Variants in PGBD2 observed in about 807,000 individuals in gnomAD.
PGBD2 encodes piggyBac transposable element-derived protein 2.
A neutral mutation model predicts 8.1 loss-of-function variants in PGBD2; 6 were observed. The ratio of observed to expected loss-of-function variants is 0.74; its 90% CI spans 0.40 to 1.46. The LOEUF (loss-of-function observed/expected upper bound fraction) is 1.46. Ranked by LOEUF, PGBD2 falls within the 40% of genes most tolerant of loss-of-function variation. The pLI, the probability that PGBD2 is intolerant of heterozygous loss-of-function variation, is 0.02. For missense variants in PGBD2, 802 were observed against 739.0 expected (o/e 1.09, Z -0.99); for synonymous variants, 318 against 272.2 (o/e 1.17, Z -1.66).
chr1:248,877,434 C>G, the PGBD2 span, among the ~76,000 whole-genome samples: 2 of 152,148 alleles, frequency 1.3e-5, no homozygotes, highest in Non-Finnish European at 2.9e-5. Context: ...GCGGCTGGGA[C>G]TACAAGCATG....
downstream of PGBD2, chr1:248,919,217 C>G (rs1456806707): frequency 1.2e-5 from 2 of 166,960 alleles, no homozygotes; most frequent in Non-Finnish European, 2.9e-5. Context: ...ATTAACTATT[C>G]CCACTCTCCC....
At chr1:248,921,418 G>C (rs1662284895), downstream of PGBD2, among the ~76,000 whole-genome samples, 1 of 152,120 alleles carries the variant, frequency 6.6e-6, no homozygotes, top group African/African-American at 2.4e-5. Flanking sequence ...GCTTGTTTTT[G>C]TCAGGTTTGT....
chr1:248,921,905 T>C (rs1468182152), downstream of PGBD2, among the ~76,000 whole-genome samples: 1 of 152,198 alleles, frequency 6.6e-6, no homozygotes, highest in East Asian at 1.9e-4. Context: ...CAATTGCGAA[T>C]GGGAGTTCAC....
chr1:248,916,629 C>G lies in PGBD2; in HGVS notation c.45C>G (p.His15Gln). 1.2e-6 allele frequency: 2 copies of G among 1,614,124 alleles called. No homozygotes were observed. Among genetic ancestry groups the G allele is most frequent in the Non-Finnish European group, 8.5e-7 (1 of 1,180,012 alleles). Residue 15 changes from histidine to glutamine, a missense_variant, in exon 3 of 3, where the codon CAC becomes CAG. By Grantham distance (24) the His-to-Gln change is conservative. Transcript: ENST00000329291. ...SRDVIAGRGIHSKVKSAKLLE... is the reference protein window; with the variant it reads ...SRDVIAGRGIQSKVKSAKLLE... ...ATGTCATTGCTGGGAGAGGTATCCACTCAAAGGTGAAGTCTGCAAAGCTGC... is the reference window on the plus strand; with the variant it reads ...ATGTCATTGCTGGGAGAGGTATCCAGTCAAAGGTGAAGTCTGCAAAGCTGC...
the PGBD2 span, among the ~76,000 whole-genome samples, chr1:248,891,235 G>T: frequency 6.6e-6 from 1 of 152,134 alleles, no homozygotes; most frequent in African/African-American, 2.4e-5. Context: ...TTCTCTCAAG[G>T]TGGGGCAGCC....
At chr1:248,908,203 C>T (rs1661728540) in intron 1 of PGBD2, among the ~76,000 whole-genome samples, 1 of 152,180 alleles carries the variant, frequency 6.6e-6, no homozygotes, top group Non-Finnish European at 1.5e-5. Flanking sequence ...GAGAAATTTA[C>T]ATTTTAAACA....
At chr1:248,876,430 C>G in the PGBD2 span, among the ~76,000 whole-genome samples, 1 of 152,160 alleles carries the variant, frequency 6.6e-6, no homozygotes, top group South Asian at 2.1e-4. Flanking sequence ...TTCTTTTGGT[C>G]CACTGTGGTT....
chr1:248,892,289 T>TCCTTC, the PGBD2 span, among the ~76,000 whole-genome samples: 1 of 127,056 alleles, frequency 7.9e-6, no homozygotes, highest in South Asian at 2.8e-4. Context: ...CTTCCTTCCT[T>TCCTTC]CCTTCCTTCC....
the PGBD2 span, among the ~76,000 whole-genome samples, chr1:248,893,937 A>G: frequency 6.6e-6 from 1 of 152,126 alleles, no homozygotes; most frequent in African/African-American, 2.4e-5. Context: ...TTGATTAAAG[A>G]CATTCTAACA....
At chr1:248,878,386 C>T in the PGBD2 span, among the ~76,000 whole-genome samples, 1 of 152,020 alleles carries the variant, frequency 6.6e-6, no homozygotes, top group Non-Finnish European at 1.5e-5. Flanking sequence ...ACTATGTTGG[C>T]CAGGCTGGTC....
At chr1:248,927,222 CAG>C in the PGBD2 span, among the ~76,000 whole-genome samples, 52 of 152,212 alleles carry the variant, frequency 3.4e-4, no homozygotes, top group African/African-American at 1.2e-3. Flanking sequence ...AGAGATGGGA[CAG>C]GGAGTTCTTG....
the PGBD2 span, among the ~76,000 whole-genome samples, chr1:248,892,273 C>CCTTCCTTCCTT: frequency 7.9e-6 from 1 of 127,348 alleles, no homozygotes; most frequent in African/African-American, 3.3e-5. Context: ...CTCCCTCCCT[C>CCTTCCTTCCTT]CCTTCCTTCC....
intron 1 of PGBD2, among the ~76,000 whole-genome samples, chr1:248,907,083 C>T (rs1661674112): frequency 6.6e-6 from 1 of 152,104 alleles, no homozygotes; most frequent in Non-Finnish European, 1.5e-5. Flanking sequence ...TCTGAGTTCC[C>T]TCAGTTTTTA....
chr1:248,902,269 A>C (rs959568364), upstream of PGBD2, among the ~76,000 whole-genome samples: 1 of 135,904 alleles, frequency 7.4e-6, no homozygotes, highest in Non-Finnish European at 1.6e-5. Context: ...ACTCCATCTC[A>C]AAAAAAAAAA....
intron 1 of PGBD2, among the ~76,000 whole-genome samples, chr1:248,912,323 G>A (rs1374084992): frequency 1.3e-5 from 2 of 152,168 alleles, no homozygotes; most frequent in African/African-American, 4.8e-5. Flanking sequence ...AAGCGTGACT[G>A]TCTAATCTCC....
At chr1:248,903,045 T>G (rs951291403), upstream of PGBD2, among the ~76,000 whole-genome samples, 1 of 152,184 alleles carries the variant, frequency 6.6e-6, no homozygotes, top group African/African-American at 2.4e-5. Flanking sequence ...AGTTTTTTTG[T>G]AGAGATGGGA....
chr1:248,876,138 A>G, the PGBD2 span, among the ~76,000 whole-genome samples: 6 of 151,728 alleles, frequency 4.0e-5, no homozygotes, highest in Non-Finnish European at 8.8e-5. Flanking sequence ...CCTCCCGAGT[A>G]GCTGGGATTA....
At chr1:248,904,913 G>A (rs1023053841), upstream of PGBD2, among the ~76,000 whole-genome samples, 2 of 152,176 alleles carry the variant, frequency 1.3e-5, no homozygotes, top group African/African-American at 4.8e-5. Flanking sequence ...AATGACAAGA[G>A]GGTTTTTCTC....
At chr1:248,891,468 C>G in the PGBD2 span, among the ~76,000 whole-genome samples, 2 of 152,202 alleles carry the variant, frequency 1.3e-5, no homozygotes, top group African/African-American at 4.8e-5. Context: ...GATTTGTCAT[C>G]TCTTTTGCTT....
Sources: allele counts gnomAD v4.1 joint callset (sites outside exome capture counted in the v4.1 genomes callset), GRCh38; gene constraint gnomAD v4.1.1; transcripts MANE v1.5; gene names NCBI Gene and HGNC (gene_info 2026-07-23, HGNC 2026-07-21).